The following PDZD8 variants were observed in gnomAD, a reference collection of about 807,000 sequenced individuals.
PDZD8 encodes the protein PDZ domain containing 8.
PDZD8 carries 14 observed loss-of-function variants against 85.8 expected under a neutral mutation model. That is an observed-to-expected ratio of 0.16 (90% CI 0.11 to 0.26). The LOEUF (loss-of-function observed/expected upper bound fraction) is 0.26. Among genes scored for constraint, PDZD8 ranks in the 10% least tolerant of loss-of-function variants. The probability of loss-of-function intolerance (pLI) is 1.00; values close to 1 mark genes in which losing one functional copy is unlikely to be tolerated. For missense variants in PDZD8, 1,197 were observed against 1,424.3 expected (o/e 0.84, Z 2.57); for synonymous variants, 592 against 568.6 (o/e 1.04, Z -0.59).
chr10:117,296,536 G>C (rs540862488), intron 3 of PDZD8, among the ~76,000 whole-genome samples: 32 of 152,210 alleles, frequency 2.1e-4, no homozygotes, highest in African/African-American at 7.5e-4. Context: ...TAACAGGGTT[G>C]GAGGTCTTAC....
At position 117,336,239 on chromosome 10, in the gene PDZD8, G is replaced by A. The variant is rs913125424; in HGVS notation, c.995+4741C>T. Among the ~76,000 whole-genome samples the A allele has an allele frequency of 1.1e-4, 16 of 152,244 alleles. 1 individual carries two copies. The highest frequency in any genetic ancestry group is 3.4e-3 in the Middle Eastern group (1 of 294). On this transcript the variant is annotated intron_variant, in intron 2 of 4. Coordinates refer to ENST00000334464, the MANE Select transcript of PDZD8 (RefSeq NM_173791.5). ...CTACTTGTGGCATCATGTCAGCACC[G>A]AAAAACACTCAGATTCTGGAGCATT...
intron 1 of PDZD8, among the ~76,000 whole-genome samples, chr10:117,370,977 G>A (rs1339380738): frequency 1.3e-5 from 2 of 150,406 alleles, no homozygotes; most frequent in Non-Finnish European, 3.0e-5. Flanking sequence ...GGCCTTATCA[G>A]AGCTGCGTTT....
intron 2 of PDZD8, among the ~76,000 whole-genome samples, 173 bp from the exon 3 acceptor site, chr10:117,319,147 G>A (rs1844182086): frequency 6.6e-6 from 1 of 151,952 alleles, no homozygotes; most frequent in East Asian, 1.9e-4. Flanking sequence ...GAAACATGAA[G>A]TAAAGCTAAA....
At chr10:117,360,747 G>C (rs1158495279) in intron 1 of PDZD8, among the ~76,000 whole-genome samples, 2 of 151,140 alleles carry the variant, frequency 1.3e-5, no homozygotes, top group Middle Eastern at 3.2e-3. Context: ...AGCAATACTA[G>C]ATAGCAACTG....
At chr10:117,300,119 T>G (rs1254559006) in intron 3 of PDZD8, among the ~76,000 whole-genome samples, 1 of 152,144 alleles carries the variant, frequency 6.6e-6, no homozygotes, top group Non-Finnish European at 1.5e-5. Context: ...CTCTTTTCAG[T>G]ACCAGGCCAG....
rs1217484440 is a variant in PDZD8, at chr10:117,280,247, A to G, written c.*3021T>C. 6.6e-6 allele frequency: 1 copy of G among 152,200 alleles called. No homozygotes were observed. Among genetic ancestry groups the G allele is most frequent in the Non-Finnish European group, 1.5e-5 (1 of 68,026 alleles). The allele number at this position is 152,200 out of a possible 1,614,324, so 9.4% of individuals were successfully genotyped here. On this transcript the variant is annotated 3_prime_UTR_variant, in exon 5 of 5. Transcript: ENST00000334464. ...TGTCTAAGCCATTCACTCAGCTAAT[A>G]CTAATGTAGAAAATATATTTTAAAG...
At chr10:117,312,712 C>T (rs1374791177) in intron 3 of PDZD8, among the ~76,000 whole-genome samples, 1 of 152,118 alleles carries the variant, frequency 6.6e-6, no homozygotes. Flanking sequence ...TATTTATATG[C>T]TTCCATTAGT....
intron 1 of PDZD8, among the ~76,000 whole-genome samples, chr10:117,350,268 C>T (rs201763788): frequency 3.3e-4 from 45 of 137,716 alleles, no homozygotes; most frequent in Middle Eastern, 7.5e-3. Flanking sequence ...TTGTTTGTTT[C>T]TTTTTTTTTT....
chr10:117,369,807 C>T (rs1012261297), intron 1 of PDZD8, among the ~76,000 whole-genome samples: 1 of 152,122 alleles, frequency 6.6e-6, no homozygotes, highest in African/African-American at 2.4e-5. Context: ...CAAGATATTC[C>T]AATTTTTCCT....
chr10:117,285,035 G>A lies in PDZD8; in HGVS notation c.1698C>T (p.Pro566=). 6.2e-7 allele frequency: 1 copy of A among 1,613,954 alleles called. No homozygotes were observed. The highest frequency in any genetic ancestry group is 8.5e-7 in the Non-Finnish European group (1 of 1,179,846). The change falls in exon 5 of 5, where the codon CCC becomes CCT. Residue 566 remains proline, a synonymous_variant. Transcript: ENST00000334464. ...IQSKDGNKPP[P]LKTSEITDPA... ...GGTCTGTTATCTCAGAAGTTTTTAG[G>A]GGTGGAGGTTTATTTCCATCTTTGG...
At chr10:117,359,750 A>C (rs972776873) in intron 1 of PDZD8, among the ~76,000 whole-genome samples, 1 of 152,072 alleles carries the variant, frequency 6.6e-6, no homozygotes, top group Non-Finnish European at 1.5e-5. Flanking sequence ...TCAGCATGCC[A>C]CCCTACCTTA....
At chr10:117,372,723 A>G (rs1845215169) in intron 1 of PDZD8, among the ~76,000 whole-genome samples, 1 of 152,202 alleles carries the variant, frequency 6.6e-6, no homozygotes, top group Non-Finnish European at 1.5e-5. Flanking sequence ...CACAGTGAAC[A>G]ACCAGTTCAC....
intron 2 of PDZD8, among the ~76,000 whole-genome samples, chr10:117,322,217 T>A (rs1219778613): frequency 6.6e-6 from 1 of 152,086 alleles, no homozygotes; most frequent in Non-Finnish European, 1.5e-5. Context: ...ATAACTAAAT[T>A]AGTTGTAGTT....
intron 1 of PDZD8, among the ~76,000 whole-genome samples, chr10:117,342,702 T>G (rs955243097): frequency 6.6e-6 from 1 of 152,082 alleles, no homozygotes; most frequent in African/African-American, 2.4e-5. Context: ...AGTCTTGAAC[T>G]CCTGACCTCA....
intron 1 of PDZD8, among the ~76,000 whole-genome samples, chr10:117,359,060 TG>T (rs950916732): frequency 2.9e-5 from 4 of 138,144 alleles, no homozygotes; most frequent in African/African-American, 1.2e-4. Flanking sequence ...CCATGCTAGT[TG>T]ATTTTTTTTA....
intron 1 of PDZD8, among the ~76,000 whole-genome samples, chr10:117,365,906 T>C (rs12569963): frequency 0.16 from 24,583 of 152,086 alleles, 2,270 homozygotes; most frequent in East Asian, 0.41. Context: ...GAGAATATCA[T>C]GGGAAGAAAT....
At position 117,277,383 on chromosome 10, in the gene PDZD8, C is replaced by A; in HGVS notation, c.*5885G>T. The A allele has an allele frequency of 1.8e-6, 1 of 559,104 alleles. No homozygotes were observed. The highest frequency in any genetic ancestry group is 3.0e-6 in the Non-Finnish European group (1 of 330,206). The allele number at this position is 559,104 out of a possible 1,614,324, so 34.6% of individuals were successfully genotyped here. ...TCCATCCCTGGTGAAAGAGTAAAAC[C>A]AAAGGTTATTATTTCCTTTCCATGG... On this transcript the variant is annotated 3_prime_UTR_variant, in exon 5 of 5. Transcript: ENST00000334464.
In PDZD8 at chr10:117,280,976, A is replaced by G. The variant is rs1306498209; in HGVS notation, c.*2292T>C. On this transcript the variant is annotated 3_prime_UTR_variant, in exon 5 of 5. Transcript: ENST00000334464. ...GTAAGTTATTTTTTATAAAGTGGTT[A>G]CACACTGAGCAGATTGCCTCAAGTG... The G allele has an allele frequency of 2.0e-5, 3 of 152,238 alleles. No homozygotes were observed. Among genetic ancestry groups the G allele is most frequent in the Non-Finnish European group, 4.4e-5 (3 of 68,048 alleles). The allele number at this position is 152,238 out of a possible 1,614,324, so 9.4% of individuals were successfully genotyped here. A position where few individuals can be genotyped will look rare whatever the true frequency, so the allele number is the denominator to read the frequency against.
rs363302 is a variant in PDZD8 at position 117,290,447 on chromosome 10, C to T, written c.1099-99G>A. ...CTGTTATGTGCAGAGAGCACCATGG[C>T]TGATGCTGACTTTTCTATCATGGCA... On this transcript the variant is annotated intron_variant, in intron 3 of 4. Coordinates refer to ENST00000334464, the MANE Select transcript of PDZD8 (RefSeq NM_173791.5). 6.7e-3 allele frequency: 5,375 copies of T among 797,116 alleles called. 158 individuals are homozygous for T. The African/African-American group carries it at 0.075, about 11-fold the overall frequency. The allele number at this position is 797,116 out of a possible 1,614,324, so 49.4% of individuals were successfully genotyped here.
Sources: gnomAD v4.1 joint callset for allele counts (sites outside exome capture counted in the v4.1 genomes callset) on GRCh38, gnomAD v4.1.1 for gene constraint, MANE v1.5 for transcripts, NCBI Gene and HGNC (gene_info 2026-07-23, HGNC 2026-07-21) for gene names.